The following TNFSF4 variants were observed in gnomAD, a reference collection of about 807,000 sequenced individuals.
TNFSF4 encodes the protein tumor necrosis factor ligand superfamily member 4.
Under a neutral mutation model 7.3 loss-of-function variants are expected in TNFSF4, and 4 were observed. That is an observed-to-expected ratio of 0.55 (90% CI 0.27 to 1.25). TNFSF4 has a LOEUF of 1.25. TNFSF4 is among the 50% of genes most tolerant of loss of function. The pLI, the probability that TNFSF4 is intolerant of heterozygous loss-of-function variation, is 0.12. For synonymous variants in TNFSF4, 76 were observed against 83.7 expected (o/e 0.91, Z 0.50); for missense variants, 181 against 208.8 (o/e 0.87, Z 0.82).
the TNFSF4 span, among the ~76,000 whole-genome samples, chr1:173,349,551 A>G: frequency 1.3e-5 from 2 of 152,206 alleles, no homozygotes; most frequent in East Asian, 3.8e-4. Context: ...TAACCGACAA[A>G]GTGGCCTTCA....
At chr1:173,342,767 G>T in the TNFSF4 span, among the ~76,000 whole-genome samples, 2 of 152,140 alleles carry the variant, frequency 1.3e-5, no homozygotes, top group African/African-American at 4.8e-5. Flanking sequence ...ATGATAAACG[G>T]GAACCAGGAA....
chr1:173,289,982 A>T, the TNFSF4 span, among the ~76,000 whole-genome samples: 1 of 152,078 alleles, frequency 6.6e-6, no homozygotes, highest in African/African-American at 2.4e-5. Context: ...TAATGGTTCA[A>T]CATTTTCCAA....
the TNFSF4 span, among the ~76,000 whole-genome samples, chr1:173,353,135 C>T: frequency 1.6e-3 from 241 of 152,160 alleles, 1 homozygote; most frequent in African/African-American, 5.6e-3. Context: ...GTGCAGTCAA[C>T]GCAATCATCA....
chr1:173,197,415 A>T (rs1571195963), intron 1 of TNFSF4, among the ~76,000 whole-genome samples: 1 of 152,208 alleles, frequency 6.6e-6, no homozygotes, highest in Non-Finnish European at 1.5e-5. Context: ...ATTCACAATA[A>T]CAAAGACATG....
the TNFSF4 span, among the ~76,000 whole-genome samples, chr1:173,450,447 A>G: frequency 6.6e-6 from 1 of 152,080 alleles, no homozygotes; most frequent in Non-Finnish European, 1.5e-5. Context: ...GCATTACCCA[A>G]TAAAACCAAA....
the TNFSF4 span, among the ~76,000 whole-genome samples, chr1:173,423,197 A>G: frequency 6.6e-6 from 1 of 152,308 alleles, no homozygotes; most frequent in South Asian, 2.1e-4. Flanking sequence ...CCCTCCCTAA[A>G]TCTAAAATAA....
the TNFSF4 span, among the ~76,000 whole-genome samples, chr1:173,409,330 G>C: frequency 6.6e-6 from 1 of 152,094 alleles, no homozygotes; most frequent in Non-Finnish European, 1.5e-5. Context: ...GGGACAGCTG[G>C]GGAAACTGGA....
chr1:173,440,985 C>T, the TNFSF4 span, among the ~76,000 whole-genome samples: 14 of 152,102 alleles, frequency 9.2e-5, no homozygotes, highest in African/African-American at 2.9e-4. Context: ...AGAAAATATT[C>T]TGATTGTCAA....
chr1:173,407,683 T>C, the TNFSF4 span, among the ~76,000 whole-genome samples: 12 of 148,160 alleles, frequency 8.1e-5, no homozygotes, highest in Non-Finnish European at 1.5e-4. Flanking sequence ...AATATACAGA[T>C]ATAAAACTAG....
the TNFSF4 span, among the ~76,000 whole-genome samples, chr1:173,444,662 G>A: frequency 6.6e-6 from 1 of 152,134 alleles, no homozygotes; most frequent in African/African-American, 2.4e-5. Context: ...GGTTCTTAGA[G>A]GTAATAACTG....
At chr1:173,292,714 C>T in the TNFSF4 span, among the ~76,000 whole-genome samples, 1 of 151,826 alleles carries the variant, frequency 6.6e-6, no homozygotes, top group Non-Finnish European at 1.5e-5. Flanking sequence ...TATCTCTCTT[C>T]ACAGATAATA....
At chr1:173,232,802 C>CA in the TNFSF4 span, among the ~76,000 whole-genome samples, 1 of 152,174 alleles carries the variant, frequency 6.6e-6, no homozygotes, top group African/African-American at 2.4e-5. Context: ...ACCAGCCTTG[C>CA]ATCCCAGGGA....
chr1:173,310,019 A>T, the TNFSF4 span, among the ~76,000 whole-genome samples: 1 of 152,000 alleles, frequency 6.6e-6, no homozygotes, highest in South Asian at 2.1e-4. Flanking sequence ...TTCTGTACTA[A>T]TGTCACCTTT....
chr1:173,431,047 T>C, the TNFSF4 span, among the ~76,000 whole-genome samples: 11 of 152,368 alleles, frequency 7.2e-5, no homozygotes, highest in South Asian at 1.7e-3. Context: ...GTTCAGCCAG[T>C]AATTGCTAGA....
chr1:173,179,634 G>GT (rs1174508834), downstream of TNFSF4, among the ~76,000 whole-genome samples: 1 of 152,220 alleles, frequency 6.6e-6, no homozygotes, highest in Non-Finnish European at 1.5e-5. Context: ...TAAGATACAA[G>GT]TTTTTTTATC....
chr1:173,411,166 C>T, the TNFSF4 span, among the ~76,000 whole-genome samples: 6 of 152,334 alleles, frequency 3.9e-5, no homozygotes, highest in South Asian at 1.2e-3. Context: ...AAAATTTCCA[C>T]CCACCTGAGA....
At chr1:173,299,695 A>C in the TNFSF4 span, among the ~76,000 whole-genome samples, 3 of 151,928 alleles carry the variant, frequency 2.0e-5, no homozygotes, top group Non-Finnish European at 4.4e-5. Context: ...GGGATGATGC[A>C]TAAGAGTTAT....
At chr1:173,289,410 C>A in the TNFSF4 span, among the ~76,000 whole-genome samples, 1 of 152,048 alleles carries the variant, frequency 6.6e-6, no homozygotes, top group African/African-American at 2.4e-5. Context: ...ATAAACTGAT[C>A]CACAAGTAAT....
the TNFSF4 span, among the ~76,000 whole-genome samples, chr1:173,316,686 CA>C: frequency 1.3e-5 from 2 of 151,794 alleles, no homozygotes; most frequent in Admixed American, 6.6e-5. Flanking sequence ...AATTACTAGA[CA>C]AAAAAATTGT....
Sources: allele counts gnomAD v4.1 joint callset (sites outside exome capture counted in the v4.1 genomes callset), GRCh38; gene constraint gnomAD v4.1.1; transcripts MANE v1.5; gene names NCBI Gene and HGNC (gene_info 2026-07-23, HGNC 2026-07-21).